The following PRR15 variants were observed in gnomAD, a reference collection of about 807,000 sequenced individuals.
The protein encoded by PRR15 is proline-rich protein 15.
Under a neutral mutation model 3.0 loss-of-function variants are expected in PRR15, and 4 were observed. The observed-to-expected ratio is 1.34, with a 90% CI of 0.66 to 3.08. PRR15 has a LOEUF of 3.08. PRR15 is among the 30% of genes most tolerant of loss of function. The pLI is 0.01. For missense variants in PRR15, 200 were observed against 179.5 expected (o/e 1.11, Z -0.65); for synonymous variants, 82 against 79.8 (o/e 1.03, Z -0.14).
At chr7:29,565,050 G>A (rs1285290893) in intron 1 of PRR15, among the ~76,000 whole-genome samples, 1 of 146,198 alleles carries the variant, frequency 6.8e-6, no homozygotes, top group Non-Finnish European at 1.5e-5. Context: ...GCGGAAACCT[G>A]GAAGTGAGCC....
intron 1 of PRR15, 114 bp from the exon 2 acceptor site, chr7:29,566,071 G>T (rs959259814): frequency 3.6e-6 from 2 of 556,904 alleles, no homozygotes; most frequent in South Asian, 2.4e-5. Context: ...CTACGGGATT[G>T]GGTCGCTCCG....
In PRR15 at chr7:29,566,485, G is replaced by A; in HGVS notation, c.156G>A (p.Trp52Ter). 1 of 1,599,580 alleles carries A rather than the reference G, an allele frequency of 6.3e-7. No homozygotes were observed. The highest frequency in any genetic ancestry group is 2.3e-5 in the East Asian group (1 of 44,042). ...CACCTGCGCCGCCCAGCCCGGACTG[G>A]ACCAGCAGCTCCCGGGAGAACCAGC... ...PTPPAPPSPD[W>*]TSSSRENQHP... Residue 52 changes from tryptophan to a stop codon, truncating the protein, a stop_gained, in exon 2 of 2, where the codon TGG becomes TGA. Transcript: ENST00000319694. LOFTEE classifies it high-confidence loss of function.
rs1792915805 is a variant in PRR15, at chr7:29,566,621, AAGG to A, written c.295_297del (p.Glu99del). On this transcript the variant is annotated inframe_deletion, in exon 2 of 2. Coordinates refer to ENST00000319694, the MANE Select transcript of PRR15 (RefSeq NM_175887.3). Reference sequence around the variant, plus strand: ...GAAGATCTCGCGCTCCGGCCGCTTTAAGGAGAAGAGGAAAGTGCGCGCCACGCT... The same window carrying A: ...GAAGATCTCGCGCTCCGGCCGCTTTAAGAAGAGGAAAGTGCGCGCCACGCT... The A allele has an allele frequency of 2.5e-6, 4 of 1,601,792 alleles. No individual in the cohort carries two copies. Among genetic ancestry groups the A allele is most frequent in the African/African-American group, 1.3e-5 (1 of 74,656 alleles).
intron 1 of PRR15, among the ~76,000 whole-genome samples, 153 bp downstream of exon 1, chr7:29,564,530 C>G (rs932692352): frequency 6.6e-6 from 1 of 152,132 alleles, no homozygotes; most frequent in Non-Finnish European, 1.5e-5. Flanking sequence ...GTTTTCTGTA[C>G]TTTTGAGTAA....
At chr7:29,565,269 G>T (rs866816936) in intron 1 of PRR15, among the ~76,000 whole-genome samples, 9 of 152,352 alleles carry the variant, frequency 5.9e-5, no homozygotes, top group Non-Finnish European at 7.3e-5. Flanking sequence ...GGAGGGAATT[G>T]CACAAGGAAA....
In PRR15 at chr7:29,567,051, T is replaced by C. The variant is rs1484811800; in HGVS notation, c.*332T>C. The C allele has an allele frequency of 3.8e-6, 1 of 260,676 alleles. No individual in the cohort carries two copies. The highest frequency in any genetic ancestry group is 2.2e-5 in the African/African-American group (1 of 44,598). The allele number at this position is 260,676 out of a possible 1,614,324, so 16.1% of individuals were successfully genotyped here. ...CTGTCACAGCTCAGCTTGAACTCTG[T>C]AGCCTCTCAAATGAAGAAGGTGGCT... is the stretch of plus-strand genomic sequence containing the variant. On this transcript the variant is annotated 3_prime_UTR_variant, in exon 2 of 2. Coordinates refer to ENST00000319694, the MANE Select transcript of PRR15 (RefSeq NM_175887.3).
chr7:29,566,953 A>C lies in PRR15; in HGVS notation c.*234A>C. 2.2e-6 allele frequency: 1 copy of C among 454,198 alleles called. No individual in the cohort carries two copies. The highest frequency in any genetic ancestry group is 3.9e-6 in the Non-Finnish European group (1 of 257,582). 28.1% of individuals were successfully genotyped at this position (454,198 alleles called of 1,614,324 possible). A position where few individuals can be genotyped will look rare whatever the true frequency, so the allele number is the denominator to read the frequency against. On this transcript the variant is annotated 3_prime_UTR_variant, in exon 2 of 2. Coordinates refer to ENST00000319694, the MANE Select transcript of PRR15 (RefSeq NM_175887.3). Reference sequence around the variant, plus strand: ...ATATTTATTTGTGGTAAGAGAAGATACCTGCCGCGGAGGAGGGTGGCATAA... The same window carrying C: ...ATATTTATTTGTGGTAAGAGAAGATCCCTGCCGCGGAGGAGGGTGGCATAA...
Position 29,563,937 on chromosome 7 carries a change from C to A in PRR15, c.-586C>A, listed in dbSNP as rs1420110. 3,003 of 152,374 alleles carry A rather than the reference C, an allele frequency of 0.02. 138 individuals carry two copies. Among genetic ancestry groups the A allele is most frequent in the East Asian group, 0.15 (780 of 5,170 alleles). 9.4% of individuals were successfully genotyped at this position (152,374 alleles called of 1,614,324 possible). A position where few individuals can be genotyped will look rare whatever the true frequency, so the allele number is the denominator to read the frequency against. On this transcript the variant is annotated 5_prime_UTR_variant, in exon 1 of 2. Coordinates refer to ENST00000319694, the MANE Select transcript of PRR15 (RefSeq NM_175887.3). ...GATGTCTTTTTTGCGTTCCTACGGA[C>A]GCGTAGGCAAGTTCGATGCGCCGGA...
rs540100974 is a variant in PRR15 at position 29,566,524 on chromosome 7, C to T, written c.195C>T (p.Leu65=). 6.2e-7 allele frequency: 1 copy of T among 1,604,818 alleles called. No homozygotes were observed. The highest frequency in any genetic ancestry group is 8.5e-7 in the Non-Finnish European group (1 of 1,176,062). The change falls in exon 2 of 2, where the codon CTC becomes CTT. Residue 65 remains leucine (L), a synonymous_variant. Coordinates refer to ENST00000319694, the MANE Select transcript of PRR15 (RefSeq NM_175887.3). The part of the protein sequence containing the change: ...SSRENQHPNL[L]GGAGEPPKPD... Reference sequence around the variant, plus strand: ...GGGAGAACCAGCACCCCAATCTCCTCGGGGGCGCCGGCGAGCCCCCCAAAC... The same window carrying T: ...GGGAGAACCAGCACCCCAATCTCCTTGGGGGCGCCGGCGAGCCCCCCAAAC...
In PRR15 at chr7:29,566,805, C is replaced by A. The variant is rs2128030129; in HGVS notation, c.*86C>A. 7.7e-7 allele frequency: 1 copy of A among 1,302,262 alleles called. No individual in the cohort carries two copies. The highest frequency in any genetic ancestry group is 1.6e-5 in the South Asian group (1 of 63,190). The allele number at this position is 1,302,262 out of a possible 1,614,324, so 80.7% of individuals were successfully genotyped here. ...AAACCCGAGACTTCAGGCCCGCCCC[C>A]TTACGCGTTGTCTCATTCCACCAAA... On this transcript the variant is annotated 3_prime_UTR_variant, in exon 2 of 2. Coordinates refer to ENST00000319694, the MANE Select transcript of PRR15 (RefSeq NM_175887.3).
intron 1 of PRR15, 84 bp downstream of exon 1, chr7:29,564,461 A>G (rs1256159789): frequency 6.6e-6 from 1 of 151,742 alleles, no homozygotes; most frequent in Non-Finnish European, 1.5e-5. Flanking sequence ...GGTACCTCCC[A>G]GGTACCCGCC....
At chr7:29,566,128 T>C in intron 1 of PRR15, 57 bp from the exon 2 acceptor site, 1 of 631,990 alleles carries the variant, frequency 1.6e-6, no homozygotes, top group South Asian at 2.0e-5. Flanking sequence ...GAAAGGGGAC[T>C]GGGGGGGGCA....
chr7:29,564,743 C>T (rs1288562522), intron 1 of PRR15, among the ~76,000 whole-genome samples: 1 of 152,202 alleles, frequency 6.6e-6, no homozygotes, highest in African/African-American at 2.4e-5. Flanking sequence ...GACGCAGTTG[C>T]TAATTGTGCC....
At position 29,566,666 on chromosome 7, in the gene PRR15, A is replaced by C; in HGVS notation, c.337A>C (p.Arg113=). 6.3e-7 allele frequency: 1 copy of C among 1,575,982 alleles called. No homozygotes were observed. ...CGCCACGCTGCTCCCGGAGGCGGGC[A>C]GGTCCCCGGAGGAGGCAGGCTTTCC... ...VRATLLPEAG[R]SPEEAGFPGD... Residue 113 remains arginine (R), a synonymous_variant, in exon 2 of 2, where the codon AGG becomes CGG. Coordinates refer to ENST00000319694, the MANE Select transcript of PRR15 (RefSeq NM_175887.3).
At position 29,566,633 on chromosome 7, in the gene PRR15, A is replaced by C. The variant is rs1792916175; in HGVS notation, c.304A>C (p.Lys102Gln). 6.3e-7 allele frequency: 1 copy of C among 1,596,842 alleles called. No individual in the cohort carries two copies. Among genetic ancestry groups the C allele is most frequent in the Non-Finnish European group, 8.5e-7 (1 of 1,172,096 alleles). The change falls in exon 2 of 2, where the codon AAA (lysine) becomes CAA (glutamine). Residue 102 changes from lysine (K) to glutamine (Q), a missense_variant. By Grantham distance (53) the Lys-to-Gln change is moderately conservative. Coordinates refer to ENST00000319694, the MANE Select transcript of PRR15 (RefSeq NM_175887.3). ...CTCCGGCCGCTTTAAGGAGAAGAGG[A>C]AAGTGCGCGCCACGCTGCTCCCGGA... is the stretch of plus-strand genomic sequence containing the variant. ...SRSGRFKEKR[K>Q]VRATLLPEAG...
chr7:29,565,919 C>T (rs973360030), intron 1 of PRR15, among the ~76,000 whole-genome samples: 2 of 152,212 alleles, frequency 1.3e-5, no homozygotes, highest in East Asian at 3.9e-4. Context: ...CACTGCACTG[C>T]ACTTCCCCTG....
Position 29,566,367 on chromosome 7 carries a change from G to T in PRR15, c.38G>T (p.Trp13Leu), listed in dbSNP as rs758540235. 6.2e-7 allele frequency: 1 copy of T among 1,610,010 alleles called. No individual in the cohort carries two copies. Among genetic ancestry groups the T allele is most frequent in the South Asian group, 1.1e-5 (1 of 90,932 alleles). Residue 13 changes from tryptophan to leucine, a missense_variant, in exon 2 of 2, where the codon TGG becomes TTG. By Grantham distance (61) the Trp-to-Leu change is moderately conservative (BLOSUM62 -2). Transcript: ENST00000319694. ...DSGDAGSSGP[W>L]WKSLTNSRKK... is the part of the protein sequence containing the mutation. ...GGCGATGCTGGCAGCTCCGGCCCCTGGTGGAAATCGCTCACCAACAGCAGA... is the reference window on the plus strand; with the variant it reads ...GGCGATGCTGGCAGCTCCGGCCCCTTGTGGAAATCGCTCACCAACAGCAGA...
Position 29,566,690 on chromosome 7 carries a change from C to T in PRR15, c.361C>T (p.Pro121Ser). The part of the protein sequence containing the change: ...AGRSPEEAGF[P>S]GDPHEDKQ ...CAGGTCCCCGGAGGAGGCAGGCTTT[C>T]CTGGTGACCCCCACGAGGACAAGCA... is the stretch of plus-strand genomic sequence containing the variant. Residue 121 changes from proline (P) to serine (S), a missense_variant, in exon 2 of 2, where the codon CCT (proline) becomes TCT (serine). By Grantham distance (74) the Pro-to-Ser change is moderately conservative. Transcript: ENST00000319694. 6.4e-7 allele frequency: 1 copy of T among 1,564,314 alleles called. No individual in the cohort carries two copies. The highest frequency in any genetic ancestry group is 1.2e-5 in the South Asian group (1 of 84,864).
At position 29,566,365 on chromosome 7, in the gene PRR15, C is replaced by T. The variant is rs748347871; in HGVS notation, c.36C>T (p.Pro12=). Residue 12 remains proline, a synonymous_variant, in exon 2 of 2, where the codon CCC becomes CCT. Transcript: ENST00000319694. ...ADSGDAGSSG[P]WWKSLTNSRK... The stretch of plus-strand genomic sequence containing the variant: ...GCGGCGATGCTGGCAGCTCCGGCCC[C>T]TGGTGGAAATCGCTCACCAACAGCA... 1.9e-6 allele frequency: 3 copies of T among 1,610,046 alleles called. No individual in the cohort carries two copies. Among genetic ancestry groups the T allele is most frequent in the East Asian group, 2.2e-5 (1 of 44,832 alleles).
Sources: allele counts gnomAD v4.1 joint callset (sites outside exome capture counted in the v4.1 genomes callset), GRCh38; gene constraint gnomAD v4.1.1; transcripts MANE v1.5; gene names NCBI Gene and HGNC (gene_info 2026-07-23, HGNC 2026-07-21).